CAMTA1: variants seen among roughly 807,000 people sequenced by gnomAD.
The protein encoded by CAMTA1 is calmodulin-binding transcription activator 1.
Under a neutral mutation model 170.9 loss-of-function variants are expected in CAMTA1, and 27 were observed. That is an observed-to-expected ratio of 0.16 (90% CI 0.12 to 0.22). The LOEUF is 0.22. Ranked by LOEUF, CAMTA1 falls within the 10% of genes least tolerant of loss-of-function variation. CAMTA1 has a pLI of 1.00. For synonymous variants in CAMTA1, 833 were observed against 891.5 expected (o/e 0.93, Z 1.17); for missense variants, 1,619 against 2,217.2 (o/e 0.73, Z 5.42).
rs546787710 is a variant in CAMTA1, at chr1:7,105,468, G to A, written c.302+14097G>A. ...CCATGAAGGGCATGACAGGCCCACG[G>A]TGGGGTGGCTCGGAGGCAGAGGCGG... On this transcript the variant is annotated intron_variant, in intron 4 of 22. Transcript: ENST00000303635. Among the ~76,000 whole-genome samples the A allele has an allele frequency of 5.3e-5, 8 of 152,368 alleles. No homozygotes were observed. The East Asian group carries it at 1.5e-3, about 29-fold the overall frequency.
chr1:7,023,785 T>C (rs984235434), intron 3 of CAMTA1, among the ~76,000 whole-genome samples: 2 of 152,102 alleles, frequency 1.3e-5, no homozygotes, highest in African/African-American at 4.8e-5. Context: ...CCTAGCACTT[T>C]GGGAGGCTGA....
At position 7,547,778 on chromosome 1, in the gene CAMTA1, A is replaced by G. The variant is rs572054204; in HGVS notation, c.510+79877A>G. On this transcript the variant is annotated intron_variant, in intron 6 of 22. Coordinates refer to ENST00000303635, the MANE Select transcript of CAMTA1 (RefSeq NM_015215.4). The surrounding 1 kb of genome is among the most constrained non-coding windows in gnomAD (Gnocchi z 5.7). ...GTGGCCTAAGAGAATTATTCTTCCA[A>G]CATAATCTCCCTGTACACAACCAGT... 6.6e-6 allele frequency among the ~76,000 whole-genome samples: 1 copy of G among 152,030 alleles called. No homozygotes were observed. Among genetic ancestry groups the G allele is most frequent in the Admixed American group, 6.5e-5 (1 of 15,272 alleles).
intron 3 of CAMTA1, among the ~76,000 whole-genome samples, chr1:6,894,172 A>ATCT (rs1200237723): frequency 6.6e-6 from 1 of 151,878 alleles, no homozygotes; most frequent in African/African-American, 2.4e-5. Context: ...GTACCCACCC[A>ATCT]TCTACCCGGA....
In CAMTA1 at chr1:7,585,014, C is replaced by T. The variant is rs552282891; in HGVS notation, c.511-55386C>T. ...TAGACCATATATTATGTAATGTCCC[C>T]GGCGGGATGTGGAGTAGCACCCCAT... On this transcript the variant is annotated intron_variant, in intron 6 of 22. Transcript: ENST00000303635. This position sits in a 1 kb window ranked among gnomAD's most constrained non-coding sequence, Gnocchi z 4.8. 3.3e-5 allele frequency among the ~76,000 whole-genome samples: 5 copies of T among 152,254 alleles called. No individual in the cohort carries two copies. The highest frequency in any genetic ancestry group is 7.2e-5 in the African/African-American group (3 of 41,552).
intron 4 of CAMTA1, 126 bp downstream of exon 4, chr1:7,091,497 T>A: frequency 1.4e-6 from 1 of 726,650 alleles, no homozygotes; most frequent in Non-Finnish European, 2.5e-6. Context: ...GCTGGATGGC[T>A]TTCGACACTG....
intron 5 of CAMTA1, among the ~76,000 whole-genome samples, chr1:7,309,197 A>G (rs1323572467): frequency 2.6e-5 from 4 of 151,420 alleles, no homozygotes; most frequent in Non-Finnish European, 5.9e-5. Context: ...TATATCTGAA[A>G]TGCATTTTTT....
intron 4 of CAMTA1, among the ~76,000 whole-genome samples, chr1:7,157,344 CA>C (rs57248086): frequency 0.26 from 25,358 of 98,386 alleles, 1,131 homozygotes; most frequent in Middle Eastern, 0.3. Context: ...GACTCTGTCT[CA>C]AAAAAAAAAA....
At chr1:7,276,303 A>ATATATATT in intron 5 of CAMTA1, among the ~76,000 whole-genome samples, 27 of 24,228 alleles carry the variant, frequency 1.1e-3, no homozygotes, top group African/African-American at 6.8e-3. Context: ...ATATATATAT[A>ATATATATT]TTTTTTTTTT....
chr1:7,375,717 G>A (rs776231823), intron 5 of CAMTA1, among the ~76,000 whole-genome samples: 11 of 152,218 alleles, frequency 7.2e-5, no homozygotes, highest in Non-Finnish European at 1.3e-4. Context: ...AAATACTGGG[G>A]CCTCGATTCC....
intron 11 of CAMTA1, among the ~76,000 whole-genome samples, chr1:7,697,421 G>C (rs998328159): frequency 1.3e-5 from 2 of 152,138 alleles, no homozygotes; most frequent in Non-Finnish European, 2.9e-5. Flanking sequence ...TCGAACTCAG[G>C]GCCATCTGAC....
At chr1:7,118,751 C>G (rs1573209606) in intron 4 of CAMTA1, among the ~76,000 whole-genome samples, 1 of 152,236 alleles carries the variant, frequency 6.6e-6, no homozygotes, top group East Asian at 1.9e-4. Flanking sequence ...ACTCCACACC[C>G]TGAGTGGGGA....
At chr1:7,339,368 G>A (rs909803069) in intron 5 of CAMTA1, among the ~76,000 whole-genome samples, 46 of 152,296 alleles carry the variant, frequency 3.0e-4, no homozygotes, top group Middle Eastern at 6.8e-3. Flanking sequence ...AGTCAGGGAA[G>A]CCCTCTCCAA....
chr1:7,601,047 C>T (rs1046150546), intron 6 of CAMTA1, among the ~76,000 whole-genome samples: 19 of 152,262 alleles, frequency 1.2e-4, no homozygotes, highest in East Asian at 5.8e-4. Flanking sequence ...CCTCACTTCC[C>T]GGTAGGGGCG....
intron 3 of CAMTA1, among the ~76,000 whole-genome samples, chr1:6,945,215 C>A (rs868403597): frequency 6.6e-6 from 1 of 152,070 alleles, no homozygotes; most frequent in Non-Finnish European, 1.5e-5. Flanking sequence ...TACAATTCAC[C>A]CATTAAAATG....
intron 4 of CAMTA1, among the ~76,000 whole-genome samples, chr1:7,117,235 T>C (rs1188054293): frequency 6.6e-6 from 1 of 152,168 alleles, no homozygotes; most frequent in Admixed American, 6.5e-5. Context: ...CCTCCCAAAG[T>C]GCCGGGATTA....
At chr1:7,655,218 ATC>A (rs1270978906) in intron 7 of CAMTA1, among the ~76,000 whole-genome samples, 3 of 75,640 alleles carry the variant, frequency 4.0e-5, no homozygotes, top group African/African-American at 9.4e-5. Context: ...AAACACACCC[ATC>A]TATACACACA....
chr1:6,954,164 C>T (rs1025081622), intron 3 of CAMTA1, among the ~76,000 whole-genome samples: 2 of 152,228 alleles, frequency 1.3e-5, no homozygotes, highest in African/African-American at 4.8e-5. Context: ...GCTGGGAAAG[C>T]TGGTCCCACA....
intron 4 of CAMTA1, among the ~76,000 whole-genome samples, chr1:7,172,639 C>T (rs995221166): frequency 3.9e-5 from 6 of 152,180 alleles, no homozygotes; most frequent in African/African-American, 1.4e-4. Context: ...CCTGGGGATG[C>T]TCTGTGATCT....
At position 7,389,791 on chromosome 1, in the gene CAMTA1, C is replaced by T. The variant is rs532221928; in HGVS notation, c.439-78039C>T. The T allele has an allele frequency of 1.5e-3, 226 of 153,074 alleles. 3 individuals carry two copies. The South Asian group carries it at 0.019, about 13-fold the overall frequency. 9.5% of individuals were successfully genotyped at this position (153,074 alleles called of 1,614,324 possible). On this transcript the variant is annotated intron_variant, in intron 5 of 22. Coordinates refer to ENST00000303635, the MANE Select transcript of CAMTA1 (RefSeq NM_015215.4). ...GGTCCCCAGAGGAGTGTGGTGAGGC[C>T]GAGGGAGGAGGGACCCAGGCAAGGG...
Sources: gnomAD v4.1 joint callset for allele counts (sites outside exome capture counted in the v4.1 genomes callset) on GRCh38, gnomAD v4.1.1 for gene constraint, Gnocchi (gnomAD v3.1) non-coding constraint, MANE v1.5 for transcripts, NCBI Gene and HGNC (gene_info 2026-07-23, HGNC 2026-07-21) for gene names.